MACROD1: variants seen among roughly 807,000 people sequenced by gnomAD.
MACROD1 encodes the protein ADP-ribose glycohydrolase MACROD1.
In MACROD1, 31 loss-of-function variants were observed where a neutral mutation model predicts 41.4. The ratio of observed to expected loss-of-function variants is 0.75; its 90% CI spans 0.56 to 1.01. The LOEUF is 1.01. MACROD1 is among the 50% of genes least tolerant of loss of function. The pLI is 0.00. For synonymous variants in MACROD1, 252 were observed against 203.4 expected, an observed-to-expected ratio of 1.24 and a Z score of -2.03; for missense variants, 473 against 460.0, an observed-to-expected ratio of 1.03 and a Z score of -0.26.
intron 1 of MACROD1, among the ~76,000 whole-genome samples, chr11:64,153,094 G>A (rs111581728): frequency 2.7e-4 from 41 of 151,772 alleles, no homozygotes; most frequent in African/African-American, 8.0e-4. Context: ...TCACAGACTC[G>A]GGGTCCACCC....
chr11:64,050,003 A>C (rs1943660712), intron 3 of MACROD1, among the ~76,000 whole-genome samples: 1 of 152,172 alleles, frequency 6.6e-6, no homozygotes, highest in African/African-American at 2.4e-5. Flanking sequence ...CCATATTATA[A>C]ATAATGCTAT....
chr11:64,061,236 T>C (rs550433568), intron 3 of MACROD1, among the ~76,000 whole-genome samples: 4 of 152,354 alleles, frequency 2.6e-5, no homozygotes, highest in African/African-American at 9.6e-5. Context: ...TTTGGAGTAA[T>C]CTGGCGATCA....
rs1032016567 is a variant in MACROD1 at position 64,036,414 on chromosome 11, G to A, written c.518-21133C>T. Among the ~76,000 whole-genome samples the A allele has an allele frequency of 1.8e-4, 28 of 152,178 alleles. No individual in the cohort carries two copies. Among genetic ancestry groups the A allele is most frequent in the African/African-American group, 6.5e-4 (27 of 41,454 alleles). On this transcript the variant is annotated intron_variant, in intron 3 of 10. Coordinates refer to ENST00000255681, the MANE Select transcript of MACROD1 (RefSeq NM_014067.4). The surrounding 1 kb of genome is among the most constrained non-coding windows in gnomAD (Gnocchi z 5.6). ...GGGAGGCGCGGGGTGCGCGGCCGGC[G>A]GCTCAGCTCTCCCGAGCCGAGGCTG...
At chr11:64,119,248 C>A in intron 3 of MACROD1, 1 of 159,802 alleles carries the variant, frequency 6.3e-6, no homozygotes. Flanking sequence ...GAGACTTGGT[C>A]TCCAGGGGCT....
At chr11:64,083,462 A>C (rs1944337907) in intron 3 of MACROD1, among the ~76,000 whole-genome samples, 1 of 152,118 alleles carries the variant, frequency 6.6e-6, no homozygotes, top group Admixed American at 6.5e-5. Flanking sequence ...AAAATAAAAG[A>C]AGCAAATGGC....
intron 3 of MACROD1, among the ~76,000 whole-genome samples, chr11:64,042,823 CA>C (rs1319708763): frequency 6.6e-6 from 1 of 152,202 alleles, no homozygotes; most frequent in Non-Finnish European, 1.5e-5. Flanking sequence ...AGACCCCCAC[CA>C]GGCTTGGGCT....
intron 3 of MACROD1, among the ~76,000 whole-genome samples, chr11:64,100,368 A>G (rs1217107401): frequency 6.6e-6 from 1 of 152,206 alleles, no homozygotes; most frequent in Non-Finnish European, 1.5e-5. Flanking sequence ...TTGTGTAAGC[A>G]TCTCAAAGTA....
At chr11:64,150,237 G>A (rs1391403486) in intron 3 of MACROD1, among the ~76,000 whole-genome samples, 5 of 152,218 alleles carry the variant, frequency 3.3e-5, no homozygotes, top group African/African-American at 1.2e-4. Flanking sequence ...GAGATTAACG[G>A]AAATGCTCAC....
Position 64,146,200 on chromosome 11 carries a change from G to A in MACROD1, c.517+5039C>T, listed in dbSNP as rs539285689. ...AAGGGCAGGGAGGTGGCCTAGTCAA[G>A]GTCACTGCACCCCCGTGGTAAAAAG... On this transcript the variant is annotated intron_variant, in intron 3 of 10. Transcript: ENST00000255681. The surrounding 1 kb of genome is among the most constrained non-coding windows in gnomAD (Gnocchi z 4.7). Among the ~76,000 whole-genome samples the A allele has an allele frequency of 3.3e-4, 50 of 152,264 alleles. No homozygotes were observed. Among genetic ancestry groups the A allele is most frequent in the African/African-American group, 1.2e-3 (49 of 41,546 alleles).
chr11:64,009,310 G>C (rs1208473016), intron 4 of MACROD1, among the ~76,000 whole-genome samples: 1 of 152,210 alleles, frequency 6.6e-6, no homozygotes, highest in Non-Finnish European at 1.5e-5. Flanking sequence ...GGGCCTGGCA[G>C]ACACCAGGCC....
At chr11:64,085,252 C>G (rs1471556095) in intron 3 of MACROD1, among the ~76,000 whole-genome samples, 1 of 152,194 alleles carries the variant, frequency 6.6e-6, no homozygotes, top group Non-Finnish European at 1.5e-5. Context: ...AGCGCTGTCC[C>G]TGGGCACCAC....
chr11:64,136,724 C>T (rs1051547269), intron 3 of MACROD1, among the ~76,000 whole-genome samples: 1 of 152,228 alleles, frequency 6.6e-6, no homozygotes, highest in African/African-American at 2.4e-5. Flanking sequence ...CCGGAAGTCA[C>T]TCATCCTCCT....
chr11:64,134,801 C>T (rs187051344), intron 3 of MACROD1, among the ~76,000 whole-genome samples: 7 of 152,306 alleles, frequency 4.6e-5, no homozygotes, highest in African/African-American at 1.4e-4. Context: ...TTTCTCCTAC[C>T]GGGAATTGCC....
intron 3 of MACROD1, among the ~76,000 whole-genome samples, chr11:64,072,077 C>T (rs1944119065): frequency 6.6e-6 from 1 of 152,230 alleles, no homozygotes; most frequent in African/African-American, 2.4e-5. Flanking sequence ...ATGATGTGAG[C>T]CCGAATCGAA....
chr11:64,031,697 C>T (rs1350627368), intron 3 of MACROD1, among the ~76,000 whole-genome samples: 5 of 152,112 alleles, frequency 3.3e-5, no homozygotes, highest in African/African-American at 4.8e-5. Flanking sequence ...AGGCTGGTCA[C>T]GAATGGCTGA....
At chr11:64,123,762 G>C (rs1043612392) in intron 3 of MACROD1, among the ~76,000 whole-genome samples, 1 of 152,128 alleles carries the variant, frequency 6.6e-6, no homozygotes, top group Non-Finnish European at 1.5e-5. Flanking sequence ...GTTCTGGGTG[G>C]GTCTGTCTCC....
intron 3 of MACROD1, among the ~76,000 whole-genome samples, chr11:64,095,726 G>A (rs951583054): frequency 4.6e-5 from 7 of 152,350 alleles, no homozygotes; most frequent in South Asian, 2.1e-4. Context: ...TGCAGCAGGC[G>A]GAGGGAGGTG....
At chr11:64,025,211 T>C (rs1174827640) in intron 3 of MACROD1, among the ~76,000 whole-genome samples, 1 of 152,168 alleles carries the variant, frequency 6.6e-6, no homozygotes, top group East Asian at 1.9e-4. Context: ...ACTCCTGACC[T>C]CAAGTCAAAG....
intron 3 of MACROD1, among the ~76,000 whole-genome samples, chr11:64,053,652 C>T (rs562244899): frequency 1.3e-5 from 2 of 152,230 alleles, no homozygotes; most frequent in East Asian, 1.9e-4. Context: ...GCTGGCTCAG[C>T]GGGGTCCTCA....
Sources: allele counts gnomAD v4.1 joint callset (sites outside exome capture counted in the v4.1 genomes callset), GRCh38; gene constraint gnomAD v4.1.1; non-coding constraint Gnocchi (gnomAD v3.1); transcripts MANE v1.5; gene names NCBI Gene and HGNC (gene_info 2026-07-23, HGNC 2026-07-21).